CELF2: variants seen among roughly 807,000 people sequenced by gnomAD.
The protein encoded by CELF2 is CUG triplet repeat RNA-binding protein 2.
A neutral mutation model predicts 62.6 loss-of-function variants in CELF2; 8 were observed. The observed-to-expected ratio is 0.13, with a 90% CI of 0.07 to 0.23. The LOEUF (loss-of-function observed/expected upper bound fraction) is 0.23, where lower values mean the gene tolerates loss of function less well. Among genes scored for constraint, CELF2 ranks in the 10% least tolerant of loss-of-function variants. The pLI is 1.00. For missense variants in CELF2, 333 were observed against 671.0 expected, an observed-to-expected ratio of 0.50 and a Z score of 5.56; for synonymous variants, 258 against 250.0, an observed-to-expected ratio of 1.03 and a Z score of -0.30.
the CELF2 span, among the ~76,000 whole-genome samples, chr10:10,578,962 A>T: frequency 2.0e-5 from 3 of 152,174 alleles, no homozygotes; most frequent in African/African-American, 7.2e-5. Flanking sequence ...CTACATCATA[A>T]TCTCCTGATC....
At position 11,075,459 on chromosome 10, in the gene CELF2, G is replaced by A. The variant is rs911722451; in HGVS notation, c.74+57296G>A. 11 of 152,104 alleles carry A rather than the reference G, an allele frequency of 7.2e-5. No homozygotes were observed. Among genetic ancestry groups the A allele is most frequent in the African/African-American group, 1.7e-4 (7 of 41,394 alleles). 9.4% of individuals were successfully genotyped at this position (152,104 alleles called of 1,614,324 possible). ...AGTCCTGGTATACAGATACATGTAC[G>A]ATGTGATAAAGTTTGTGAGATGGTA... is the stretch of plus-strand genomic sequence containing the variant. On this transcript the variant is annotated intron_variant, in intron 1 of 12. Transcript: ENST00000633077. This position sits in a 1 kb window ranked among gnomAD's most constrained non-coding sequence, Gnocchi z 5.4.
intron 9 of CELF2, among the ~76,000 whole-genome samples, chr10:11,313,589 A>G (rs140769476): frequency 6.6e-6 from 1 of 152,356 alleles, no homozygotes; most frequent in African/African-American, 2.4e-5. Context: ...GAAGAAATAC[A>G]AAGTCCAGAA....
chr10:11,021,604 C>T (rs896223490), intron 1 of CELF2, among the ~76,000 whole-genome samples: 1 of 152,150 alleles, frequency 6.6e-6, no homozygotes, highest in Non-Finnish European at 1.5e-5. Flanking sequence ...CTGCCATGCG[C>T]CAGGATAGTT....
At chr10:11,289,065 C>CT (rs1291575746) in intron 9 of CELF2, among the ~76,000 whole-genome samples, 1 of 152,182 alleles carries the variant, frequency 6.6e-6, no homozygotes, top group East Asian at 1.9e-4. Flanking sequence ...CATTTAAAGT[C>CT]TTTTTTTCTT....
chr10:10,529,006 A>G, the CELF2 span, among the ~76,000 whole-genome samples: 1 of 152,226 alleles, frequency 6.6e-6, no homozygotes, highest in Non-Finnish European at 1.5e-5. Flanking sequence ...AGTTGTCTGG[A>G]GAGTGTCTTA....
chr10:10,663,344 T>C, the CELF2 span, among the ~76,000 whole-genome samples: 2 of 152,166 alleles, frequency 1.3e-5, no homozygotes, highest in Non-Finnish European at 2.9e-5. Flanking sequence ...TTGCAATTCC[T>C]CCCTAGTTTC....
At chr10:10,492,523 A>G in the CELF2 span, among the ~76,000 whole-genome samples, 1 of 152,228 alleles carries the variant, frequency 6.6e-6, no homozygotes, top group Admixed American at 6.5e-5. Context: ...TCTTCCAAAA[A>G]AATAAACCAT....
At position 11,141,174 on chromosome 10, in the gene CELF2, T is replaced by C. The variant is rs76385893; in HGVS notation, c.75-24312T>C. Among the ~76,000 whole-genome samples, 1,114 of 152,294 alleles carry C rather than the reference T, an allele frequency of 7.3e-3. 12 individuals carry two copies. The highest frequency in any genetic ancestry group is 0.026 in the African/African-American group (1,071 of 41,546). ...TGTGGGGAAGCTCTTGTCTAAGTCA[T>C]TATGTGGAGCTGAGGTTCCTAGCAC... On this transcript the variant is annotated intron_variant, in intron 1 of 12. Coordinates refer to ENST00000633077, the MANE Select transcript of CELF2 (RefSeq NM_001326342.2).
At chr10:10,664,741 C>T in the CELF2 span, among the ~76,000 whole-genome samples, 13 of 152,180 alleles carry the variant, frequency 8.5e-5, no homozygotes, top group African/African-American at 2.4e-4. Context: ...TTTGCCGTTA[C>T]GGTAGTAGCC....
chr10:11,301,491 G>GC (rs1217696524), intron 9 of CELF2, among the ~76,000 whole-genome samples: 16 of 11,072 alleles, frequency 1.4e-3, no homozygotes, highest in Non-Finnish European at 2.1e-3. Flanking sequence ...CCCCCCTACC[G>GC]CACCCCCCCA....
the CELF2 span, among the ~76,000 whole-genome samples, chr10:10,645,111 A>G: frequency 2.6e-5 from 4 of 152,314 alleles, no homozygotes; most frequent in South Asian, 8.3e-4. Flanking sequence ...CTTTCAGGAC[A>G]GTAGGGTGCC....
the CELF2 span, among the ~76,000 whole-genome samples, chr10:10,672,489 CTT>C: frequency 0.23 from 32,074 of 138,104 alleles, 3,634 homozygotes; most frequent in South Asian, 0.45. Context: ...GTCTACATTC[CTT>C]TTTTTTTTTT....
At chr10:10,538,830 C>T in the CELF2 span, among the ~76,000 whole-genome samples, 3 of 152,214 alleles carry the variant, frequency 2.0e-5, no homozygotes, top group Admixed American at 6.5e-5. Context: ...CTGGAAGGAA[C>T]CACGTTTTTC....
At chr10:10,851,345 C>T (rs1591174319) in intron 1 of CELF2, among the ~76,000 whole-genome samples, 1 of 152,118 alleles carries the variant, frequency 6.6e-6, no homozygotes, top group East Asian at 1.9e-4. Context: ...ACTAGACATG[C>T]CCTCCCACTA....
At chr10:10,648,440 C>T in the CELF2 span, among the ~76,000 whole-genome samples, 1 of 152,184 alleles carries the variant, frequency 6.6e-6, no homozygotes, top group African/African-American at 2.4e-5. Flanking sequence ...ATCAAAAATG[C>T]TCTTTCATGC....
At chr10:10,610,502 G>A in the CELF2 span, among the ~76,000 whole-genome samples, 1 of 152,096 alleles carries the variant, frequency 6.6e-6, no homozygotes, top group Non-Finnish European at 1.5e-5. Flanking sequence ...CATGTTTGAT[G>A]GTTCATTTAA....
intron 1 of CELF2, among the ~76,000 whole-genome samples, chr10:10,905,899 A>C (rs2063304851): frequency 6.6e-6 from 1 of 150,646 alleles, no homozygotes; most frequent in Admixed American, 6.6e-5. Flanking sequence ...AAAAAAAAAG[A>C]AAAAGAAAAA....
At chr10:10,826,924 G>A (rs1012102846) in intron 1 of CELF2, among the ~76,000 whole-genome samples, 2 of 152,144 alleles carry the variant, frequency 1.3e-5, no homozygotes, top group African/African-American at 2.4e-5. Context: ...AAATGAGGCC[G>A]TGAACTGTGC....
chr10:10,568,614 G>A, the CELF2 span, among the ~76,000 whole-genome samples: 1 of 152,158 alleles, frequency 6.6e-6, no homozygotes, highest in African/African-American at 2.4e-5. Flanking sequence ...AGCAATACTG[G>A]TACCTTTCTT....
Sources: allele counts gnomAD v4.1 joint callset (sites outside exome capture counted in the v4.1 genomes callset), GRCh38; gene constraint gnomAD v4.1.1; non-coding constraint Gnocchi (gnomAD v3.1); transcripts MANE v1.5; gene names NCBI Gene and HGNC (gene_info 2026-07-23, HGNC 2026-07-21).